POLRMT: variants seen among roughly 807,000 people sequenced by gnomAD.
The protein encoded by POLRMT is RNA polymerase mitochondrial.
Under a neutral mutation model 132.2 loss-of-function variants are expected in POLRMT, and 114 were observed. The observed-to-expected ratio is 0.86, with a 90% CI of 0.74 to 1.01. The LOEUF is 1.01. POLRMT is among the 50% of genes least tolerant of loss of function. The pLI is 0.00. For synonymous variants in POLRMT, 1,020 were observed against 773.4 expected (o/e 1.32, Z -5.29); for missense variants, 2,003 against 1,729.1 (o/e 1.16, Z -2.81).
Position 623,546 on chromosome 19 carries a change from A to G in POLRMT, c.1198T>C (p.Phe400Leu), listed in dbSNP as rs41553913. The G allele has an allele frequency of 0.016, 26,033 of 1,613,624 alleles. 925 individuals are homozygous for G. Among genetic ancestry groups the G allele is most frequent in the African/African-American group, 0.14 (10,701 of 75,024 alleles). Residue 400 changes from phenylalanine (F) to leucine (L), a missense_variant, in exon 6 of 21, where the codon TTT (phenylalanine) becomes CTT (leucine). Phe to Leu is a conservative substitution (Grantham distance 22, BLOSUM62 0). Coordinates refer to ENST00000588649, the MANE Select transcript of POLRMT (RefSeq NM_005035.4). Reference sequence around the variant, plus strand: ...AGCTCCATGTGGAGCTGCTTCTCAAAGAGGCACTGCAGGGTCTTCAAGGGC... The same window carrying G: ...AGCTCCATGTGGAGCTGCTTCTCAAGGAGGCACTGCAGGGTCTTCAAGGGC... ...HLPLKTLQCLFEKQLHMELAS... is the reference protein window; with the variant it reads ...HLPLKTLQCLLEKQLHMELAS...
chr19:631,000 A>G (rs1157271528), intron 2 of POLRMT, among the ~76,000 whole-genome samples: 1 of 151,882 alleles, frequency 6.6e-6, no homozygotes, highest in Non-Finnish European at 1.5e-5. Context: ...TCTATTAGAA[A>G]TCCAAAAAAT....
Position 620,105 on chromosome 19 carries a change from G to A in POLRMT, c.2764-25C>T, listed in dbSNP as rs749148277. Reference sequence around the variant, plus strand: ...CCTGAGGAAGGGGCGGCAAACGGGAGATGGAAGCTAGAGAGGCAGAGACGT... The same window carrying A: ...CCTGAGGAAGGGGCGGCAAACGGGAAATGGAAGCTAGAGAGGCAGAGACGT... On this transcript the variant is annotated intron_variant, in intron 11 of 20. Coordinates refer to ENST00000588649, the MANE Select transcript of POLRMT (RefSeq NM_005035.4). The A allele has an allele frequency of 4.3e-5, 66 of 1,535,124 alleles. No homozygotes were observed. The South Asian group carries it at 6.2e-4, about 14-fold the overall frequency.
In POLRMT at chr19:617,415, C is replaced by G; in HGVS notation, c.3643+4G>C. 1 of 1,612,350 alleles carries G rather than the reference C, an allele frequency of 6.2e-7. No homozygotes were observed. The highest frequency in any genetic ancestry group is 8.5e-7 in the Non-Finnish European group (1 of 1,179,836). ...CACCCTTGCGAGGCTGCCCACCCGC[C>G]TACCTGGCTTGGGCACCGCCTGCAG... On this transcript the variant is annotated splice_donor_region_variant and intron_variant, in intron 20 of 20. Coordinates refer to ENST00000588649, the MANE Select transcript of POLRMT (RefSeq NM_005035.4).
rs1322016471 is a variant in POLRMT, at chr19:617,263, C to T, written c.*11G>A. On this transcript the variant is annotated 3_prime_UTR_variant, in exon 21 of 21. Coordinates refer to ENST00000588649, the MANE Select transcript of POLRMT (RefSeq NM_005035.4). ...GAGCTTTATTTACACACTGACAAGGCTCACGGGGTGTCAGCTGAAGAAGTA... is the reference window on the plus strand; with the variant it reads ...GAGCTTTATTTACACACTGACAAGGTTCACGGGGTGTCAGCTGAAGAAGTA... 3.7e-6 allele frequency: 6 copies of T among 1,612,648 alleles called. No homozygotes were observed. The highest frequency in any genetic ancestry group is 2.7e-5 in the African/African-American group (2 of 75,046).
At chr19:629,490 TC>T (rs775817488) in intron 3 of POLRMT, 49 bp downstream of exon 3, 36 of 1,456,988 alleles carry the variant, frequency 2.5e-5, no homozygotes, top group Non-Finnish European at 3.3e-5. Context: ...GAGGGCAAGT[TC>T]CTGTCTCCAA....
chr19:618,345 C>G (rs1322400365), intron 17 of POLRMT, 143 bp downstream of exon 17: 1 of 670,902 alleles, frequency 1.5e-6, no homozygotes, highest in South Asian at 2.0e-5. Context: ...GCCTCAGGGC[C>G]TCTACACAGG....
Position 617,429 on chromosome 19 carries a change from C to T in POLRMT, c.3633G>A (p.Val1211=), listed in dbSNP as rs1984061783. Reference sequence around the variant, plus strand: ...TGCCCACCCGCCTACCTGGCTTGGGCACCGCCTGCAGTGTCTCCTTCAGCT... The same window carrying T: ...TGCCCACCCGCCTACCTGGCTTGGGTACCGCCTGCAGTGTCTCCTTCAGCT... The part of the protein sequence containing the change: ...ASQLKETLQA[V]PKPGAFDLEQ... The change falls in exon 20 of 21, where the codon GTG becomes GTA. Residue 1211 remains valine (V), a synonymous_variant. Coordinates refer to ENST00000588649, the MANE Select transcript of POLRMT (RefSeq NM_005035.4). 6.2e-7 allele frequency: 1 copy of T among 1,612,234 alleles called. No individual in the cohort carries two copies. The highest frequency in any genetic ancestry group is 8.5e-7 in the Non-Finnish European group (1 of 1,179,826).
chr19:626,927 A>G (rs2144668509), intron 3 of POLRMT, among the ~76,000 whole-genome samples: 1 of 150,836 alleles, frequency 6.6e-6, no homozygotes, highest in East Asian at 1.9e-4. Context: ...AATAACATAT[A>G]TATATAATTT....
chr19:620,361 T>A lies in POLRMT; in HGVS notation c.2763+4A>T. On this transcript the variant is annotated splice_donor_region_variant and intron_variant, in intron 11 of 20. Coordinates refer to ENST00000588649, the MANE Select transcript of POLRMT (RefSeq NM_005035.4). ...GCCTCGGGGGCCAGACCCAGCTGGC[T>A]CACCTGATGGACGGGGAGGTGGGAG... is the stretch of plus-strand genomic sequence containing the variant. The A allele has an allele frequency of 6.4e-7, 1 of 1,571,146 alleles. No homozygotes were observed. Among genetic ancestry groups the A allele is most frequent in the African/African-American group, 1.3e-5 (1 of 74,146 alleles).
At chr19:628,377 T>C (rs1325743739) in intron 3 of POLRMT, among the ~76,000 whole-genome samples, 1 of 152,164 alleles carries the variant, frequency 6.6e-6, no homozygotes, top group Non-Finnish European at 1.5e-5. Context: ...TGGCGCCCCC[T>C]GCAGCAAGGA....
chr19:630,982 AC>A (rs777482575), intron 2 of POLRMT, among the ~76,000 whole-genome samples: 3 of 151,808 alleles, frequency 2.0e-5, no homozygotes, highest in Non-Finnish European at 4.4e-5. Flanking sequence ...ACATGGTGAA[AC>A]CCCGTCTCTA....
At position 620,353 on chromosome 19, in the gene POLRMT, C is replaced by T; in HGVS notation, c.2763+12G>A. On this transcript the variant is annotated intron_variant, in intron 11 of 20. Transcript: ENST00000588649. ...ACTGCACGGCCTCGGGGGCCAGACCCAGCTGGCTCACCTGATGGACGGGGA... is the reference window on the plus strand; with the variant it reads ...ACTGCACGGCCTCGGGGGCCAGACCTAGCTGGCTCACCTGATGGACGGGGA... 1.3e-6 allele frequency: 2 copies of T among 1,565,336 alleles called. No individual in the cohort carries two copies. Among genetic ancestry groups the T allele is most frequent in the South Asian group, 1.2e-5 (1 of 85,124 alleles).
chr19:632,384 G>A (rs1369005226), intron 2 of POLRMT, among the ~76,000 whole-genome samples: 2 of 152,202 alleles, frequency 1.3e-5, no homozygotes, highest in African/African-American at 2.4e-5. Context: ...CCAGGACGAG[G>A]GCCTGCCACC....
Position 621,501 on chromosome 19 carries a change from C to T in POLRMT, c.2197G>A (p.Ala733Thr), listed in dbSNP as rs1187921561. Residue 733 changes from alanine to threonine, a missense_variant, in exon 10 of 21, where the codon GCC becomes ACC. Transcript: ENST00000588649. ...AKGCPQLGVPAPPSEAPQPPE... is the reference protein window; with the variant it reads ...AKGCPQLGVPTPPSEAPQPPE... ...GGCTGGGGCGCCTCGGAGGGCGGGG[C>T]CGGCACGCCTAGCTGGGGGCAGCCC... 7.3e-7 allele frequency: 1 copy of T among 1,375,716 alleles called. No homozygotes were observed. The highest frequency in any genetic ancestry group is 9.3e-7 in the Non-Finnish European group (1 of 1,073,202). The allele number at this position is 1,375,716 out of a possible 1,614,324, so 85.2% of individuals were successfully genotyped here. A position where few individuals can be genotyped will look rare whatever the true frequency, so the allele number is the denominator to read the frequency against.
At position 618,598 on chromosome 19, in the gene POLRMT, A is replaced by G. The variant is rs1984212720; in HGVS notation, c.3324-12T>C. ...GTGTGTTGGGCTTTCTGAGGACGGA[A>G]CAGGTGCCGGTGGGGGCGGCCCAGG... On this transcript the variant is annotated splice_polypyrimidine_tract_variant and intron_variant, in intron 16 of 20. Coordinates refer to ENST00000588649, the MANE Select transcript of POLRMT (RefSeq NM_005035.4). 4 of 1,607,928 alleles carry G rather than the reference A, an allele frequency of 2.5e-6. No individual in the cohort carries two copies. In the South Asian group the frequency reaches 3.3e-5, roughly 13 times the overall value.
Position 618,736 on chromosome 19 carries a change from T to A in POLRMT, c.3292A>T (p.Ile1098Phe). ...VKQIGGGIQS[I>F]TYTHNGDISR... is the part of the protein sequence containing the mutation. ...ATGTCTCCGTTGTGGGTGTAGGTGA[T>A]GCTCTGAATTCCACCTCCTATTTGC... is the stretch of plus-strand genomic sequence containing the variant. Residue 1098 changes from isoleucine (I) to phenylalanine (F), a missense_variant, in exon 16 of 21, where the codon ATC (isoleucine) becomes TTC (phenylalanine). Transcript: ENST00000588649. 6.2e-7 allele frequency: 1 copy of A among 1,606,626 alleles called. No individual in the cohort carries two copies. Among genetic ancestry groups the A allele is most frequent in the Non-Finnish European group, 8.5e-7 (1 of 1,177,076 alleles).
At position 622,385 on chromosome 19, in the gene POLRMT, G is replaced by C. The variant is rs773901317; in HGVS notation, c.1627-12C>G. 6 of 1,536,916 alleles carry C rather than the reference G, an allele frequency of 3.9e-6. No individual in the cohort carries two copies. The highest frequency in any genetic ancestry group is 1.4e-5 in the African/African-American group (1 of 72,804). ...CAGGGCTCGGGCACCTGTAGGACAG[G>C]GCGGTCAGGGCGCTGGGCACCGGGG... On this transcript the variant is annotated splice_polypyrimidine_tract_variant and intron_variant, in intron 8 of 20. Transcript: ENST00000588649.
chr19:630,504 C>A (rs1314481107), intron 2 of POLRMT, among the ~76,000 whole-genome samples: 2 of 152,128 alleles, frequency 1.3e-5, no homozygotes, highest in Non-Finnish European at 2.9e-5. Context: ...GTGACAACTC[C>A]CTCCGTCCAC....
rs55797255 is a variant in POLRMT, at chr19:621,173, T to G, written c.2525A>C (p.Lys842Thr). 1 of 1,610,820 alleles carries G rather than the reference T, an allele frequency of 6.2e-7. No homozygotes were observed. The highest frequency in any genetic ancestry group is 8.5e-7 in the Non-Finnish European group (1 of 1,178,662). ...PLGPHGLDWL[K>T]IHLVNLTGLK... The stretch of plus-strand genomic sequence containing the variant: ...CCCCGTGAGATTGACCAGGTGGATC[T>G]TGAGCCAATCCAGGCCGTGCGGGCC... The change falls in exon 10 of 21, where the codon AAG becomes ACG. Residue 842 changes from lysine to threonine, a missense_variant. Coordinates refer to ENST00000588649, the MANE Select transcript of POLRMT (RefSeq NM_005035.4).
Sources: allele counts gnomAD v4.1 joint callset (sites outside exome capture counted in the v4.1 genomes callset), GRCh38; gene constraint gnomAD v4.1.1; transcripts MANE v1.5; gene names NCBI Gene and HGNC (gene_info 2026-07-23, HGNC 2026-07-21).